The following GRM5 variants were observed in gnomAD, a reference collection of about 807,000 sequenced individuals.
GRM5 encodes the protein glutamate metabotropic receptor 5.
GRM5 carries 19 observed loss-of-function variants against 83.1 expected under a neutral mutation model. That is an observed-to-expected ratio of 0.23 (90% CI 0.16 to 0.34). The LOEUF is 0.34. Ranked by LOEUF, GRM5 falls within the 10% of genes least tolerant of loss-of-function variation. The pLI, the probability that GRM5 is intolerant of heterozygous loss-of-function variation, is 1.00. For missense variants in GRM5, 1,160 were observed against 1,588.3 expected (o/e 0.73, Z 4.58); for synonymous variants, 675 against 633.6 (o/e 1.07, Z -0.98).
intron 2 of GRM5, among the ~76,000 whole-genome samples, chr11:88,889,843 A>G (rs1462854265): frequency 6.6e-6 from 1 of 152,140 alleles, no homozygotes. Flanking sequence ...CATTGTGGGG[A>G]AAAAAGCAAA....
At chr11:88,662,685 A>G (rs1939938157) in intron 3 of GRM5, among the ~76,000 whole-genome samples, 1 of 152,066 alleles carries the variant, frequency 6.6e-6, no homozygotes, top group African/African-American at 2.4e-5. Flanking sequence ...AATGAGGGGG[A>G]CTTGACATGA....
chr11:88,833,926 G>A (rs525214), intron 3 of GRM5, among the ~76,000 whole-genome samples: 9 of 151,880 alleles, frequency 5.9e-5, no homozygotes, highest in Non-Finnish European at 7.4e-5. Context: ...AAAGGTTTTC[G>A]CATGGAAGTG....
At chr11:88,720,978 G>A (rs1192900575) in intron 3 of GRM5, among the ~76,000 whole-genome samples, 1 of 151,974 alleles carries the variant, frequency 6.6e-6, no homozygotes. Flanking sequence ...ATGTGGGATA[G>A]CCATCACGTA....
rs144236201 is a variant in GRM5 at position 88,984,574 on chromosome 11, A to T, written c.661+62638T>A. 1.7e-3 allele frequency: 770 copies of T among 450,434 alleles called. 6 individuals are homozygous for T. The highest frequency in any genetic ancestry group is 0.014 in the African/African-American group (697 of 49,474). 27.9% of individuals were successfully genotyped at this position (450,434 alleles called of 1,614,324 possible). On this transcript the variant is annotated intron_variant, in intron 2 of 9. Coordinates refer to ENST00000305447, the MANE Select transcript of GRM5 (RefSeq NM_001143831.3). ...AATGTATATTATGCAGCTAATTAGC[A>T]ATATCTTTATTATCTTAACTCTGAG...
At chr11:88,929,181 T>C (rs1474174399) in intron 2 of GRM5, among the ~76,000 whole-genome samples, 4 of 152,124 alleles carry the variant, frequency 2.6e-5, no homozygotes, top group Admixed American at 2.0e-4. Context: ...TCTGGCTTAT[T>C]GGTCAGCCTG....
At position 88,833,293 on chromosome 11, in the gene GRM5, A is replaced by C. The variant is rs1590894832; in HGVS notation, c.911+16613T>G. On this transcript the variant is annotated intron_variant, in intron 3 of 9. Transcript: ENST00000305447. ...AAAACTAACTCCCGCTGCCCCCCCA[A>C]AATACAAATAATTGCATGAAAAATT... is the stretch of plus-strand genomic sequence containing the variant. Among the ~76,000 whole-genome samples, 3 of 152,154 alleles carry C rather than the reference A, an allele frequency of 2.0e-5. No homozygotes were observed. In the East Asian group the frequency reaches 5.8e-4, roughly 29 times the overall value.
intron 3 of GRM5, among the ~76,000 whole-genome samples, chr11:88,656,883 A>G (rs1045975216): frequency 6.6e-6 from 1 of 152,098 alleles, no homozygotes; most frequent in African/African-American, 2.4e-5. Context: ...ATAATGGAGG[A>G]TGTGTACAGG....
intron 3 of GRM5, 113 bp downstream of exon 3, chr11:88,849,793 C>A (rs1466774214): frequency 9.3e-5 from 92 of 986,862 alleles, no homozygotes; most frequent in Non-Finnish European, 9.9e-5. Flanking sequence ...AGCTCTATTT[C>A]CACTGCACAG....
intron 3 of GRM5, among the ~76,000 whole-genome samples, chr11:88,696,178 G>T (rs778988974): frequency 2.6e-5 from 4 of 152,140 alleles, no homozygotes; most frequent in Non-Finnish European, 4.4e-5. Flanking sequence ...TTGCCCAGCG[G>T]TAGGGCTCTC....
intron 3 of GRM5, among the ~76,000 whole-genome samples, chr11:88,845,219 T>C (rs182752163): frequency 1.3e-5 from 2 of 152,098 alleles, no homozygotes; most frequent in African/African-American, 4.8e-5. Flanking sequence ...ACTGCCACCT[T>C]CAGCAATTGC....
In GRM5 at chr11:89,047,826, A is replaced by T. The variant is rs1358659195; in HGVS notation, c.47T>A (p.Val16Asp). 1 of 1,613,998 alleles carries T rather than the reference A, an allele frequency of 6.2e-7. No homozygotes were observed. The highest frequency in any genetic ancestry group is 8.5e-7 in the Non-Finnish European group (1 of 1,179,894). ...ILSVLLLKED[V>D]RGSAQSSERR... ...CTCACTGGACTGTGCACTCCCACGG[A>T]CATCTTCTTTCAAAAGTAAGACTGA... Residue 16 changes from valine to aspartate, a missense_variant, in exon 2 of 10, where the codon GTC becomes GAC. Physicochemically the swap from Val to Asp is radical, Grantham distance 152. Coordinates refer to ENST00000305447, the MANE Select transcript of GRM5 (RefSeq NM_001143831.3). The surrounding 1 kb of genome is among the most constrained non-coding windows in gnomAD (Gnocchi z 5.1).
chr11:88,834,980 T>A (rs189967035), intron 3 of GRM5, among the ~76,000 whole-genome samples: 286 of 151,952 alleles, frequency 1.9e-3, no homozygotes, highest in Non-Finnish European at 3.0e-3. Flanking sequence ...TACTGCCATT[T>A]TTCCCCCCCT....
chr11:88,741,598 C>T (rs1005479317), intron 3 of GRM5, among the ~76,000 whole-genome samples: 6 of 152,038 alleles, frequency 3.9e-5, no homozygotes, highest in Admixed American at 1.3e-4. Flanking sequence ...GGGGTTAGAC[C>T]ATGACCAAGA....
chr11:88,726,416 G>T (rs1262501167), intron 3 of GRM5, among the ~76,000 whole-genome samples: 1 of 152,196 alleles, frequency 6.6e-6, no homozygotes, highest in African/African-American at 2.4e-5. Flanking sequence ...TGTTTGATTG[G>T]TGTACCTGAA....
At chr11:88,826,028 C>G (rs1388308642) in intron 3 of GRM5, among the ~76,000 whole-genome samples, 1 of 152,092 alleles carries the variant, frequency 6.6e-6, no homozygotes, top group East Asian at 1.9e-4. Flanking sequence ...AATGATGAAT[C>G]TCACTCTAGG....
At chr11:88,842,775 T>C (rs1836361759) in intron 3 of GRM5, among the ~76,000 whole-genome samples, 1 of 152,178 alleles carries the variant, frequency 6.6e-6, no homozygotes, top group Admixed American at 6.5e-5. Flanking sequence ...AACACGTCCT[T>C]GATTTGCTAT....
At chr11:88,538,048 G>A (rs893455910) in intron 8 of GRM5, among the ~76,000 whole-genome samples, 2 of 150,254 alleles carry the variant, frequency 1.3e-5, no homozygotes, top group African/African-American at 2.5e-5. Context: ...TTCAACATAA[G>A]CTCAAAGGTT....
rs570705441 is a variant in GRM5, at chr11:88,771,384, C to G, written c.911+78522G>C. Reference sequence around the variant, plus strand: ...AAAAGTACGGAAACTGACAATGGAGCCTTCATTCCACGGCTGAAGGCCCAA... The same window carrying G: ...AAAAGTACGGAAACTGACAATGGAGGCTTCATTCCACGGCTGAAGGCCCAA... On this transcript the variant is annotated intron_variant, in intron 3 of 9. Transcript: ENST00000305447. Among the ~76,000 whole-genome samples the G allele has an allele frequency of 4.0e-4, 61 of 152,234 alleles. 1 individual carries two copies. In the South Asian group the frequency reaches 0.01, roughly 26 times the overall value.
chr11:89,052,463 G>A (rs1941781126), intron 1 of GRM5, among the ~76,000 whole-genome samples: 1 of 152,118 alleles, frequency 6.6e-6, no homozygotes, highest in Admixed American at 6.6e-5. Context: ...AAAGACATAT[G>A]CAAGACTTAT....
Sources: gnomAD v4.1 joint callset for allele counts (sites outside exome capture counted in the v4.1 genomes callset) on GRCh38, gnomAD v4.1.1 for gene constraint, Gnocchi (gnomAD v3.1) non-coding constraint, MANE v1.5 for transcripts, NCBI Gene and HGNC (gene_info 2026-07-23, HGNC 2026-07-21) for gene names.